Variants in KCNG4 observed in about 807,000 individuals in gnomAD.
The protein encoded by KCNG4 is potassium voltage-gated channel modifier subfamily G member 4.
In KCNG4, 30 loss-of-function variants were observed where a neutral mutation model predicts 28.2. The ratio of observed to expected loss-of-function variants is 1.06; its 90% confidence interval spans 0.80 to 1.44. The LOEUF (loss-of-function observed/expected upper bound fraction) is 1.44. Ranked by LOEUF, KCNG4 falls within the 40% of genes most tolerant of loss-of-function variation. The pLI is 0.00. For missense variants in KCNG4, 879 were observed against 712.3 expected (o/e 1.23, Z -2.66); for synonymous variants, 375 against 315.5 (o/e 1.19, Z -2.00).
intron 2 of KCNG4, among the ~76,000 whole-genome samples, chr16:84,228,326 G>C (rs1385722847): frequency 2.0e-5 from 3 of 152,148 alleles, no homozygotes; most frequent in Admixed American, 2.0e-4. Flanking sequence ...CCTTAGTCAG[G>C]GCTGGTCCAT....
At chr16:84,235,460 T>C (rs1227927598) in intron 2 of KCNG4, 4 of 152,208 alleles carry the variant, frequency 2.6e-5, no homozygotes, top group African/African-American at 4.8e-5. Flanking sequence ...ATGCCTATGA[T>C]TGGCATTGTC....
rs1904548229 is a variant in KCNG4 at position 84,221,226 on chromosome 16, A to T, written c.*991T>A. ...AGATGACTAGTCTGGGAAGCCAGCA[A>T]GGGACAGCACCTACAATTCCCCTTG... is the stretch of plus-strand genomic sequence containing the variant. On this transcript the variant is annotated 3_prime_UTR_variant, in exon 3 of 3. Transcript: ENST00000308251. 6.6e-6 allele frequency: 1 copy of T among 152,288 alleles called. No individual in the cohort carries two copies. The highest frequency in any genetic ancestry group is 1.5e-5 in the Non-Finnish European group (1 of 68,100). 9.4% of individuals were successfully genotyped at this position (152,288 alleles called of 1,614,324 possible).
Position 84,222,721 on chromosome 16 carries a change from G to T in KCNG4, c.1056C>A (p.Arg352=). 1 of 1,612,928 alleles carries T rather than the reference G, an allele frequency of 6.2e-7. No individual in the cohort carries two copies. Among genetic ancestry groups the T allele is most frequent in the Non-Finnish European group, 8.5e-7 (1 of 1,179,602 alleles). Residue 352 remains arginine, a synonymous_variant, in exon 3 of 3, where the codon CGC becomes CGA. Coordinates refer to ENST00000308251, the MANE Select transcript of KCNG4 (RefSeq NM_172347.3). ...LRILYVMRLA[R]HSLGLQTLGL... ...CCAGCGTCTGCAGCCCCAGCGAGTG[G>T]CGAGCCAGGCGCATCACGTAGAGGA...
chr16:84,234,820 G>T lies in KCNG4; in HGVS notation c.756+1910C>A, dbSNP rs1382131841. Among the ~76,000 whole-genome samples the T allele has an allele frequency of 2.0e-5, 3 of 152,282 alleles. No homozygotes were observed. In the Middle Eastern group the frequency reaches 0.01, roughly 518 times the overall value. On this transcript the variant is annotated intron_variant, in intron 2 of 2. Transcript: ENST00000308251. ...AATACAAAGCACGTGTGTCCAGGAA[G>T]AGGACATCATCCTTTTACGTAAATG...
chr16:84,221,988 G>A lies in KCNG4; in HGVS notation c.*229C>T, dbSNP rs1014543018. ...AAGATTGGACATGCTCAGTAGATGGGCAGAGAGAGGAAAAGGCAAGCAGGC... is the reference window on the plus strand; with the variant it reads ...AAGATTGGACATGCTCAGTAGATGGACAGAGAGAGGAAAAGGCAAGCAGGC... On this transcript the variant is annotated 3_prime_UTR_variant, in exon 3 of 3. Coordinates refer to ENST00000308251, the MANE Select transcript of KCNG4 (RefSeq NM_172347.3). The A allele has an allele frequency of 7.0e-6, 4 of 568,986 alleles. No homozygotes were observed. Among genetic ancestry groups the A allele is most frequent in the Non-Finnish European group, 1.3e-5 (4 of 319,368 alleles). The allele number at this position is 568,986 out of a possible 1,614,324, so 35.2% of individuals were successfully genotyped here. A position where few individuals can be genotyped will look rare whatever the true frequency, so the allele number is the denominator to read the frequency against.
chr16:84,231,439 A>G (rs921034986), intron 2 of KCNG4, among the ~76,000 whole-genome samples: 1 of 152,062 alleles, frequency 6.6e-6, no homozygotes. Flanking sequence ...GCCAGGAGGG[A>G]GGGAAAGGCA....
chr16:84,233,729 GAGAA>G (rs1470640368), intron 2 of KCNG4, among the ~76,000 whole-genome samples: 9 of 151,598 alleles, frequency 5.9e-5, no homozygotes, highest in Admixed American at 3.3e-4. Context: ...GAAAGAGAGA[GAGAA>G]AGAAAGAGAA....
chr16:84,227,908 C>A (rs754286626), intron 2 of KCNG4, among the ~76,000 whole-genome samples: 1 of 151,950 alleles, frequency 6.6e-6, no homozygotes, highest in Non-Finnish European at 1.5e-5. Flanking sequence ...GGTGGGTGTC[C>A]GGGGCTGGAT....
chr16:84,235,310 G>A (rs1193897101), intron 2 of KCNG4: 1 of 152,140 alleles, frequency 6.6e-6, no homozygotes, highest in Non-Finnish European at 1.5e-5. Flanking sequence ...TTTATTAACT[G>A]GGATCAGGGC....
Position 84,237,362 on chromosome 16 carries a change from G to T in KCNG4, c.124C>A (p.Arg42=). The change falls in exon 2 of 3, where the codon CGG becomes AGG. Residue 42 remains arginine (R), a synonymous_variant. Transcript: ENST00000308251. The stretch of plus-strand genomic sequence containing the variant: ...AGGGCACCCACCTTCCGCACCCTCC[G>T]GTAGTAAAGGCCCTTGATGGACGGC... ...ETPSIKGLYY[R]RVRKVGALDA... 1.3e-6 allele frequency: 2 copies of T among 1,553,606 alleles called. No homozygotes were observed. The highest frequency in any genetic ancestry group is 1.7e-6 in the Non-Finnish European group (2 of 1,151,588).
chr16:84,238,927 A>G (rs1029643850), intron 1 of KCNG4, among the ~76,000 whole-genome samples: 1 of 152,206 alleles, frequency 6.6e-6, no homozygotes, highest in Non-Finnish European at 1.5e-5. Context: ...TTTCAGACCT[A>G]TATGAGGTGC....
In KCNG4 at chr16:84,239,809, G is replaced by A. The variant is rs1197780549; in HGVS notation, c.-180C>T. On this transcript the variant is annotated 5_prime_UTR_variant, in exon 1 of 3. Transcript: ENST00000308251. ...ATCCCCAAAACAGCAGTTTCTAGCAGAGTCAGTTTCCAATCTTTCTTCCCG... is the reference window on the plus strand; with the variant it reads ...ATCCCCAAAACAGCAGTTTCTAGCAAAGTCAGTTTCCAATCTTTCTTCCCG... The A allele has an allele frequency of 6.6e-6, 1 of 152,030 alleles. No homozygotes were observed. Among genetic ancestry groups the A allele is most frequent in the South Asian group, 2.1e-4 (1 of 4,824 alleles). 9.4% of individuals were successfully genotyped at this position (152,030 alleles called of 1,614,324 possible).
In KCNG4 at chr16:84,220,944, C is replaced by G. The variant is rs993391855; in HGVS notation, c.*1273G>C. 6.6e-6 allele frequency: 1 copy of G among 152,520 alleles called. No individual in the cohort carries two copies. Among genetic ancestry groups the G allele is most frequent in the African/African-American group, 2.4e-5 (1 of 41,466 alleles). The allele number at this position is 152,520 out of a possible 1,614,324, so 9.4% of individuals were successfully genotyped here. On this transcript the variant is annotated 3_prime_UTR_variant, in exon 3 of 3. Coordinates refer to ENST00000308251, the MANE Select transcript of KCNG4 (RefSeq NM_172347.3). ...AAGGCCCACGCCTTCTCAACCCAACCCAGCTGTTCAGCTTCATCTCCTAAA... is the reference window on the plus strand; with the variant it reads ...AAGGCCCACGCCTTCTCAACCCAACGCAGCTGTTCAGCTTCATCTCCTAAA...
intron 2 of KCNG4, among the ~76,000 whole-genome samples, chr16:84,234,655 A>T (rs1397347448): frequency 6.6e-6 from 1 of 152,090 alleles, no homozygotes; most frequent in Non-Finnish European, 1.5e-5. Flanking sequence ...CTGTTCCCCC[A>T]CCCATCGTGA....
intron 2 of KCNG4, among the ~76,000 whole-genome samples, chr16:84,227,578 G>GA (rs912994521): frequency 6.6e-6 from 1 of 151,742 alleles, no homozygotes; most frequent in Admixed American, 6.6e-5. Context: ...ATCTGTCTCA[G>GA]AAAAAAACAA....
Position 84,222,299 on chromosome 16 carries a change from TG to T in KCNG4, c.1477del (p.His493MetfsTer9). 6.2e-7 allele frequency: 1 copy of T among 1,614,160 alleles called. No individual in the cohort carries two copies. Among genetic ancestry groups the T allele is most frequent in the South Asian group, 1.1e-5 (1 of 91,074 alleles). ...CATGAGCTCATGTTCACTGGCCACATGGGGGTCCAGGAGTTCACATTCACTG... is the reference window on the plus strand; with the variant it reads ...CATGAGCTCATGTTCACTGGCCACATGGGGTCCAGGAGTTCACATTCACTG... ...PASECELLDP[H>X]VASEHELMND... is the part of the protein sequence containing the mutation. On this transcript the variant is annotated frameshift_variant, in exon 3 of 3. Coordinates refer to ENST00000308251, the MANE Select transcript of KCNG4 (RefSeq NM_172347.3). LOFTEE classifies it low-confidence loss of function (END_TRUNC).
chr16:84,222,559 G>C lies in KCNG4; in HGVS notation c.1218C>G (p.Pro406=). The change falls in exon 3 of 3, where the codon CCC becomes CCG. Residue 406 remains proline, a synonymous_variant. Transcript: ENST00000308251. ...AGATGATGGCCCACCAATAGGAGGCGGGGATGCTGGTGAACTCCAGCACCC... is the reference window on the plus strand; with the variant it reads ...AGATGATGGCCCACCAATAGGAGGCCGGGATGCTGGTGAACTCCAGCACCC... ...SGRVLEFTSI[P]ASYWWAIISM... 1 of 1,613,416 alleles carries C rather than the reference G, an allele frequency of 6.2e-7. No homozygotes were observed.
chr16:84,237,458 G>A lies in KCNG4; in HGVS notation c.28C>T (p.Leu10=). Residue 10 remains leucine (L), a synonymous_variant, in exon 2 of 3, where the codon CTG becomes TTG. Transcript: ENST00000308251. MPMPSRDGG[L]HPRHHHYGSH... is the part of the protein sequence containing the mutation. Reference sequence around the variant, plus strand: ...CCATAGTGGTGGTGTCTGGGATGCAGGCCCCCGTCTCTGGAAGGCATGGGC... The same window carrying A: ...CCATAGTGGTGGTGTCTGGGATGCAAGCCCCCGTCTCTGGAAGGCATGGGC... The A allele has an allele frequency of 2.7e-6, 4 of 1,500,948 alleles. No homozygotes were observed. Among genetic ancestry groups the A allele is most frequent in the Admixed American group, 2.3e-5 (1 of 42,598 alleles). The allele number at this position is 1,500,948 out of a possible 1,614,324, so 93.0% of individuals were successfully genotyped here. A position where few individuals can be genotyped will look rare whatever the true frequency, so the allele number is the denominator to read the frequency against.
chr16:84,232,196 T>C (rs1258040305), intron 2 of KCNG4, among the ~76,000 whole-genome samples: 1 of 152,116 alleles, frequency 6.6e-6, no homozygotes, highest in East Asian at 1.9e-4. Context: ...CCATCAGTGC[T>C]AGATGGATAA....
Sources: allele counts gnomAD v4.1 joint callset (sites outside exome capture counted in the v4.1 genomes callset), GRCh38; gene constraint gnomAD v4.1.1; transcripts MANE v1.5; gene names NCBI Gene and HGNC (gene_info 2026-07-23, HGNC 2026-07-21).